Variants in CEACAM1 observed in about 807,000 individuals in gnomAD.
CEACAM1 encodes the protein cell adhesion molecule CEACAM1.
A neutral mutation model predicts 49.1 loss-of-function variants in CEACAM1; 31 were observed. The ratio of observed to expected loss-of-function variants is 0.63; its 90% CI spans 0.47 to 0.85. CEACAM1 has a LOEUF of 0.85. Among genes scored for constraint, CEACAM1 ranks in the 40% least tolerant of loss-of-function variants. The pLI is 0.00. For missense variants in CEACAM1, 570 were observed against 645.3 expected (o/e 0.88, Z 1.26); for synonymous variants, 244 against 247.8 (o/e 0.98, Z 0.14).
At chr19:42,519,927 C>T (rs1568658956) in intron 4 of CEACAM1, among the ~76,000 whole-genome samples, 2 of 152,178 alleles carry the variant, frequency 1.3e-5, no homozygotes, top group Non-Finnish European at 2.9e-5. Context: ...TGTCACTTTA[C>T]ATACAAAAGG....
intron 4 of CEACAM1, among the ~76,000 whole-genome samples, chr19:42,520,162 G>A (rs1447137049): frequency 6.6e-6 from 1 of 152,168 alleles, no homozygotes; most frequent in African/African-American, 2.4e-5. Context: ...AATACACGCT[G>A]TTTGGCATTG....
chr19:42,527,453 G>GA, intron 1 of CEACAM1, 53 bp from the exon 2 acceptor site: 1 of 1,535,468 alleles, frequency 6.5e-7, no homozygotes. Flanking sequence ...CATTAGGGTA[G>GA]AAAAATGGGG....
At chr19:42,525,844 T>C (rs746612346) in intron 2 of CEACAM1, 2 of 152,248 alleles carry the variant, frequency 1.3e-5, no homozygotes, top group Non-Finnish European at 2.9e-5. Flanking sequence ...AGTGAAATAG[T>C]ATAAATGGTT....
intron 4 of CEACAM1, 71 bp downstream of exon 4, chr19:42,521,196 C>T (rs2041736592): frequency 6.4e-7 from 1 of 1,563,068 alleles, no homozygotes; most frequent in East Asian, 2.2e-5. Flanking sequence ...AAAATTTCTT[C>T]TCTGCTCCTA....
intron 8 of CEACAM1, among the ~76,000 whole-genome samples, chr19:42,509,623 A>T (rs965566275): frequency 3.3e-5 from 5 of 151,818 alleles, no homozygotes; most frequent in Non-Finnish European, 5.9e-5. Flanking sequence ...GAGGGAAGTG[A>T]CTGGTAGAGT....
At position 42,522,201 on chromosome 19, in the gene CEACAM1, C is replaced by T. The variant is rs756230191; in HGVS notation, c.426G>A (p.Pro142=). The change falls in exon 3 of 9, where the codon CCG becomes CCA. Residue 142 remains proline, a splice_region_variant and synonymous_variant. Coordinates refer to ENST00000161559, the MANE Select transcript of CEACAM1 (RefSeq NM_001712.5). ...EEATGQFHVY[P]ELPKPSISSN... Reference sequence around the variant, plus strand: ...TGGAGATGGAGGGCTTGGGCAGCTCCGCTATGCAGAAAACAGAGAGAAGAT... The same window carrying T: ...TGGAGATGGAGGGCTTGGGCAGCTCTGCTATGCAGAAAACAGAGAGAAGAT... 9.3e-6 allele frequency: 15 copies of T among 1,614,202 alleles called. No homozygotes were observed. The highest frequency in any genetic ancestry group is 1.7e-5 in the Admixed American group (1 of 60,026).
Position 42,528,355 on chromosome 19 carries a change from G to A in CEACAM1, c.20C>T (p.Pro7Leu). 1 of 1,613,928 alleles carries A rather than the reference G, an allele frequency of 6.2e-7. No individual in the cohort carries two copies. The highest frequency in any genetic ancestry group is 1.1e-5 in the South Asian group (1 of 91,064). The change falls in exon 1 of 9, where the codon CCA (proline) becomes CTA (leucine). Residue 7 changes from proline (P) to leucine (L), a missense_variant. Physicochemically the swap from Pro to Leu is moderately conservative, Grantham distance 98. Coordinates refer to ENST00000161559, the MANE Select transcript of CEACAM1 (RefSeq NM_001712.5). MGHLSA[P>L]LHRVRVPWQG... ...CCAGGGTACACGCACTCTGTGAAGT[G>A]GGGCTGAGAGGTGCCCCATGGTGTC... is the stretch of plus-strand genomic sequence containing the variant.
chr19:42,528,335 G>A lies in CEACAM1; in HGVS notation c.40C>T (p.Pro14Ser). Residue 14 changes from proline (P) to serine (S), a missense_variant, in exon 1 of 9, where the codon CCC (proline) becomes TCC (serine). Transcript: ENST00000161559. ...LSAPLHRVRV[P>S]WQGLLLTASL... The stretch of plus-strand genomic sequence containing the variant: ...CCTGTGAGCAGAAGCCCCTGCCAGG[G>A]TACACGCACTCTGTGAAGTGGGGCT... The A allele has an allele frequency of 1.9e-6, 3 of 1,613,820 alleles. No individual in the cohort carries two copies. Among genetic ancestry groups the A allele is most frequent in the South Asian group, 1.1e-5 (1 of 91,068 alleles).
At chr19:42,514,010 G>A (rs1187517146) in intron 5 of CEACAM1, among the ~76,000 whole-genome samples, 1 of 130,124 alleles carries the variant, frequency 7.7e-6, no homozygotes, top group South Asian at 2.4e-4. Context: ...CACCCAGGCT[G>A]GAGTGCAGTG....
chr19:42,509,788 G>A (rs553309088), intron 8 of CEACAM1, among the ~76,000 whole-genome samples: 173 of 152,156 alleles, frequency 1.1e-3, no homozygotes, highest in African/African-American at 4.0e-3. Flanking sequence ...TACCACGCCC[G>A]GCTAATTTTT....
rs76177112 is a variant in CEACAM1, at chr19:42,528,040, T to G, written c.64+271A>C. On this transcript the variant is annotated intron_variant, in intron 1 of 8. Coordinates refer to ENST00000161559, the MANE Select transcript of CEACAM1 (RefSeq NM_001712.5). ...TGTTTTCCTTAATTGTCACGCTGAC[T>G]TAAATTGTGATTATTGTCAGCAGTT... Among the ~76,000 whole-genome samples, 360 of 152,370 alleles carry G rather than the reference T, an allele frequency of 2.4e-3. 9 individuals are homozygous for G. The East Asian group carries it at 0.06, about 25-fold the overall frequency.
At chr19:42,519,677 C>T (rs2041694635) in intron 4 of CEACAM1, among the ~76,000 whole-genome samples, 2 of 151,512 alleles carry the variant, frequency 1.3e-5, no homozygotes, top group Non-Finnish European at 2.9e-5. Context: ...TCAAGCCATT[C>T]TCCTGCCTCA....
intron 2 of CEACAM1, among the ~76,000 whole-genome samples, chr19:42,526,358 G>A (rs144721485): frequency 1.3e-5 from 2 of 152,146 alleles, no homozygotes; most frequent in Non-Finnish European, 2.9e-5. Flanking sequence ...TCCTCCTCCT[G>A]GGGATGGTAA....
chr19:42,513,204 C>G (rs1180528562), intron 5 of CEACAM1, among the ~76,000 whole-genome samples: 1 of 152,156 alleles, frequency 6.6e-6, no homozygotes, highest in Admixed American at 6.5e-5. Context: ...CCACAGGCTC[C>G]CAGCAGGGGT....
intron 5 of CEACAM1, among the ~76,000 whole-genome samples, chr19:42,517,171 A>T (rs1379208846): frequency 6.6e-6 from 1 of 152,240 alleles, no homozygotes; most frequent in African/African-American, 2.4e-5. Flanking sequence ...CCATATATAA[A>T]AATTAATTCA....
intron 4 of CEACAM1, chr19:42,520,552 T>G (rs1211072576): frequency 6.6e-6 from 1 of 152,194 alleles, no homozygotes; most frequent in African/African-American, 2.4e-5. Context: ...GTATTTTTAG[T>G]AGAGATGGAG....
intron 2 of CEACAM1, among the ~76,000 whole-genome samples, chr19:42,523,459 A>T (rs568504411): frequency 6.6e-6 from 1 of 152,310 alleles, no homozygotes; most frequent in South Asian, 2.1e-4. Flanking sequence ...TCTAGAAAAG[A>T]GTGAGGGTGA....
In CEACAM1 at chr19:42,510,831, A is replaced by G. The variant is rs376219357; in HGVS notation, c.1461+58T>C. The stretch of plus-strand genomic sequence containing the variant: ...TACATTGTGTCTTCATGAATAATCA[A>G]TTCTACACAGAATCATTTCCATGAG... On this transcript the variant is annotated intron_variant, in intron 8 of 8. Transcript: ENST00000161559. The G allele has an allele frequency of 1.2e-4, 172 of 1,478,244 alleles. 1 individual carries two copies. In the African/African-American group the frequency reaches 1.5e-3, roughly 13 times the overall value. 91.6% of individuals were successfully genotyped at this position (1,478,244 alleles called of 1,614,324 possible). A position where few individuals can be genotyped will look rare whatever the true frequency, so the allele number is the denominator to read the frequency against.
In CEACAM1 at chr19:42,518,649, C is replaced by T. The variant is rs180910586; in HGVS notation, c.1246+299G>A. The stretch of plus-strand genomic sequence containing the variant: ...AGTAGCTGGGACTACAGGCGCCCGC[C>T]ACCATGCCCGGCTAATTTTTTTTTG... On this transcript the variant is annotated intron_variant, in intron 5 of 8. Transcript: ENST00000161559. 1.7e-3 allele frequency: 555 copies of T among 334,482 alleles called. 4 individuals carry two copies. The highest frequency in any genetic ancestry group is 1.7e-3 in the East Asian group (20 of 11,574). 20.7% of individuals were successfully genotyped at this position (334,482 alleles called of 1,614,324 possible). A position where few individuals can be genotyped will look rare whatever the true frequency, so the allele number is the denominator to read the frequency against.
Sources: gnomAD v4.1 joint callset for allele counts (sites outside exome capture counted in the v4.1 genomes callset) on GRCh38, gnomAD v4.1.1 for gene constraint, MANE v1.5 for transcripts, NCBI Gene and HGNC (gene_info 2026-07-23, HGNC 2026-07-21) for gene names.